The following HSD17B12 variants were observed in gnomAD, a reference collection of about 807,000 sequenced individuals.
HSD17B12 encodes very-long-chain 3-oxoacyl-CoA reductase.
In HSD17B12, 32 loss-of-function variants were observed where a neutral mutation model predicts 39.3. The observed-to-expected ratio is 0.81, with a 90% CI of 0.61 to 1.09. The LOEUF (loss-of-function observed/expected upper bound fraction) is 1.09, where lower values mean the gene tolerates loss of function less well. Ranked by LOEUF, HSD17B12 falls within the 50% of genes least tolerant of loss-of-function variation. The pLI, the probability that HSD17B12 is intolerant of heterozygous loss-of-function variation, is 0.00. For synonymous variants in HSD17B12, 150 were observed against 146.7 expected (o/e 1.02, Z -0.16); for missense variants, 342 against 382.9 (o/e 0.89, Z 0.89).
chr11:43,758,611 C>T (rs1161095864), intron 3 of HSD17B12, among the ~76,000 whole-genome samples: 7 of 152,182 alleles, frequency 4.6e-5, no homozygotes, highest in South Asian at 2.1e-4. Flanking sequence ...GGGGCTACCA[C>T]GGAAGTTCTC....
chr11:43,682,226 T>C (rs968105307), intron 1 of HSD17B12, among the ~76,000 whole-genome samples: 91 of 152,342 alleles, frequency 6.0e-4, no homozygotes, highest in Non-Finnish European at 1.1e-3. Context: ...ATTATAATTC[T>C]GTTTCACAGT....
At chr11:43,821,732 A>G (rs560835127) in intron 6 of HSD17B12, among the ~76,000 whole-genome samples, 1 of 152,338 alleles carries the variant, frequency 6.6e-6, no homozygotes, top group African/African-American at 2.4e-5. Flanking sequence ...CATTTCAAAC[A>G]GGGTGTACAC....
chr11:43,653,121 TTC>T, the HSD17B12 span, among the ~76,000 whole-genome samples: 4 of 152,038 alleles, frequency 2.6e-5, no homozygotes, highest in Non-Finnish European at 4.4e-5. Context: ...CAGAGAGAGA[TTC>T]TGTTTCCTGA....
chr11:43,720,851 A>C lies in HSD17B12; in HGVS notation c.161-30060A>C, dbSNP rs188694274. ...TTGGCTTGGATAGAGTTTTAATGAA[A>C]AAAAACCAACATAATTTATCATCAA... is the stretch of plus-strand genomic sequence containing the variant. On this transcript the variant is annotated intron_variant, in intron 1 of 10. Coordinates refer to ENST00000278353, the MANE Select transcript of HSD17B12 (RefSeq NM_016142.3). 3.9e-3 allele frequency among the ~76,000 whole-genome samples: 590 copies of C among 152,294 alleles called. 6 individuals are homozygous for C. The highest frequency in any genetic ancestry group is 0.013 in the African/African-American group (542 of 41,552).
In HSD17B12 at chr11:43,685,756, G is replaced by A. The variant is rs1949792116; in HGVS notation, c.160+4769G>A. Among the ~76,000 whole-genome samples the A allele has an allele frequency of 2.6e-5, 4 of 152,210 alleles. No homozygotes were observed. The South Asian group carries it at 8.3e-4, about 32-fold the overall frequency. Reference sequence around the variant, plus strand: ...CTACAGACTGGATGAGTACTCGGGAGTAGATTTCTTTATACCTACAAACTT... The same window carrying A: ...CTACAGACTGGATGAGTACTCGGGAATAGATTTCTTTATACCTACAAACTT... On this transcript the variant is annotated intron_variant, in intron 1 of 10. Coordinates refer to ENST00000278353, the MANE Select transcript of HSD17B12 (RefSeq NM_016142.3).
At chr11:43,565,822 C>T in the HSD17B12 span, among the ~76,000 whole-genome samples, 4 of 152,140 alleles carry the variant, frequency 2.6e-5, no homozygotes, top group South Asian at 8.3e-4. Context: ...TAATTTTTTC[C>T]TCCTCAGACA....
chr11:43,758,898 G>GC (rs1394245521), intron 3 of HSD17B12, among the ~76,000 whole-genome samples: 1 of 152,150 alleles, frequency 6.6e-6, no homozygotes, highest in Admixed American at 6.5e-5. Flanking sequence ...TTGGGAAGGG[G>GC]CTTAACACTA....
the HSD17B12 span, among the ~76,000 whole-genome samples, chr11:43,627,875 G>T: frequency 6.6e-6 from 1 of 151,812 alleles, no homozygotes. Flanking sequence ...TCTGCAAAAT[G>T]CCATACAATA....
At chr11:43,653,953 C>T in the HSD17B12 span, among the ~76,000 whole-genome samples, 1 of 152,176 alleles carries the variant, frequency 6.6e-6, no homozygotes, top group Admixed American at 6.5e-5. Context: ...AGTTCTAGAT[C>T]CCTGAGGAAT....
chr11:43,616,576 T>A, the HSD17B12 span, among the ~76,000 whole-genome samples: 1 of 151,920 alleles, frequency 6.6e-6, no homozygotes. Context: ...ATTAAATCTT[T>A]ACAACAACAC....
chr11:43,838,238 T>C, intron 7 of HSD17B12, 79 bp from the exon 8 acceptor site: 1 of 953,066 alleles, frequency 1.0e-6, no homozygotes, highest in East Asian at 2.4e-5. Context: ...TTCGAATAAT[T>C]ATATATCTCA....
At chr11:43,823,511 TC>T (rs1392951450) in intron 6 of HSD17B12, among the ~76,000 whole-genome samples, 1 of 152,108 alleles carries the variant, frequency 6.6e-6, no homozygotes, top group Non-Finnish European at 1.5e-5. Flanking sequence ...CCTCAAGCGA[TC>T]CTCCTGCCTC....
chr11:43,606,259 A>G, the HSD17B12 span, among the ~76,000 whole-genome samples: 4 of 152,248 alleles, frequency 2.6e-5, no homozygotes, highest in African/African-American at 7.2e-5. Context: ...TCCGCAGACC[A>G]GGTGTTTTGA....
At chr11:43,778,203 A>G (rs1352839350) in intron 3 of HSD17B12, among the ~76,000 whole-genome samples, 2 of 152,200 alleles carry the variant, frequency 1.3e-5, no homozygotes, top group Non-Finnish European at 2.9e-5. Flanking sequence ...AATACTACAA[A>G]CACCTCTATG....
intron 1 of HSD17B12, among the ~76,000 whole-genome samples, chr11:43,739,404 A>G (rs551470749): frequency 1.3e-5 from 2 of 152,356 alleles, no homozygotes; most frequent in Admixed American, 6.5e-5. Flanking sequence ...AATAAAATAC[A>G]TAAAGAACAG....
chr11:43,591,624 A>G, the HSD17B12 span, among the ~76,000 whole-genome samples: 1 of 152,122 alleles, frequency 6.6e-6, no homozygotes, highest in Non-Finnish European at 1.5e-5. Context: ...GTTAAAATAA[A>G]CTATATAGTT....
the HSD17B12 span, among the ~76,000 whole-genome samples, chr11:43,642,779 T>C: frequency 6.6e-6 from 1 of 151,914 alleles, no homozygotes. Context: ...GAATATATAA[T>C]TTTTTATATC....
rs144046062 is a variant in HSD17B12 at position 43,810,679 on chromosome 11, C to G, written c.392-4758C>G. ...TTGAGCGCTTCCCAGTCTTAGACCT[C>G]TAGTCAGAAACCAATGGGAAAGATT... is the stretch of plus-strand genomic sequence containing the variant. On this transcript the variant is annotated intron_variant, in intron 4 of 10. Coordinates refer to ENST00000278353, the MANE Select transcript of HSD17B12 (RefSeq NM_016142.3). Among the ~76,000 whole-genome samples the G allele has an allele frequency of 2.9e-4, 44 of 152,168 alleles. No individual in the cohort carries two copies. In the East Asian group the frequency reaches 6.0e-3, roughly 21 times the overall value.
chr11:43,695,601 A>G lies in HSD17B12; in HGVS notation c.160+14614A>G, dbSNP rs143340766. Among the ~76,000 whole-genome samples the G allele has an allele frequency of 7.2e-5, 11 of 152,290 alleles. No homozygotes were observed. The East Asian group carries it at 2.1e-3, about 29-fold the overall frequency. On this transcript the variant is annotated intron_variant, in intron 1 of 10. Transcript: ENST00000278353. ...CTCAAAAAAAAATCTTTATTATGAA[A>G]TTAATATAAATGATATCTTTTAATG...
Sources: gnomAD v4.1 joint callset for allele counts (sites outside exome capture counted in the v4.1 genomes callset) on GRCh38, gnomAD v4.1.1 for gene constraint, MANE v1.5 for transcripts, NCBI Gene and HGNC (gene_info 2026-07-23, HGNC 2026-07-21) for gene names.